Variants in WHRN observed in about 807,000 individuals in gnomAD.
The protein encoded by WHRN is CASK-interacting protein CIP98.
In WHRN, 41 loss-of-function variants were observed where a neutral mutation model predicts 68.3. That is an observed-to-expected ratio of 0.60 (90% confidence interval 0.47 to 0.78). WHRN has a LOEUF of 0.78. Among genes scored for constraint, WHRN ranks in the 30% least tolerant of loss-of-function variants. The probability of loss-of-function intolerance (pLI) is 0.00; values close to 1 mark genes in which losing one functional copy is unlikely to be tolerated. For missense variants in WHRN, 1,243 were observed against 1,244.7 expected (o/e 1.00, Z 0.02); for synonymous variants, 560 against 561.3 (o/e 1.00, Z 0.03).
intron 3 of WHRN, among the ~76,000 whole-genome samples, chr9:114,439,105 A>G (rs1350683929): frequency 6.6e-6 from 1 of 152,256 alleles, no homozygotes; most frequent in Admixed American, 6.5e-5. Context: ...ACAGAGGAAT[A>G]AACCAAAAAC....
Position 114,493,358 on chromosome 9 carries a change from A to T in WHRN, c.618+10826T>A, listed in dbSNP as rs1423783614. Among the ~76,000 whole-genome samples the T allele has an allele frequency of 7.6e-3, 347 of 45,908 alleles. 3 individuals carry two copies. Among genetic ancestry groups the T allele is most frequent in the South Asian group, 0.016 (19 of 1,204 alleles). 30.1% of individuals were successfully genotyped at this position (45,908 alleles called of 152,430 possible). A position where few individuals can be genotyped will look rare whatever the true frequency, so the allele number is the denominator to read the frequency against. The stretch of plus-strand genomic sequence containing the variant: ...AGAATAAGACCCTATCTTTTTTTTA[A>T]AAAAAAAAAAAAAGTGGGGGTGGGG... On this transcript the variant is annotated intron_variant, in intron 1 of 11. Transcript: ENST00000362057.
Position 114,478,705 on chromosome 9 carries a change from C to A in WHRN, c.685G>T (p.Val229Phe), listed in dbSNP as rs1199178665. ...ACCCAGGTGTAGATGTGGTTGGTGA[C>A]GTAGCCCCCAGGGATGCGCCCTGCT... ...YSAGRIPGGY[V>F]TNHIYTWVDP... The change falls in exon 2 of 12, where the codon GTC becomes TTC. Residue 229 changes from valine (V) to phenylalanine (F), a missense_variant. Val to Phe is a conservative substitution (Grantham distance 50). Transcript: ENST00000362057. The A allele has an allele frequency of 6.2e-7, 1 of 1,612,732 alleles. No individual in the cohort carries two copies. Among genetic ancestry groups the A allele is most frequent in the Non-Finnish European group, 8.5e-7 (1 of 1,179,980 alleles).
chr9:114,441,214 T>C (rs1838346115), intron 3 of WHRN, among the ~76,000 whole-genome samples: 1 of 151,830 alleles, frequency 6.6e-6, no homozygotes, highest in East Asian at 1.9e-4. Context: ...TATGTGTTAA[T>C]TGGCTATTGG....
intron 1 of WHRN, among the ~76,000 whole-genome samples, chr9:114,500,555 A>G (rs967356131): frequency 3.3e-5 from 5 of 152,200 alleles, no homozygotes; most frequent in African/African-American, 1.2e-4. Flanking sequence ...TTCAATTCTA[A>G]TATGCTCCTT....
intron 3 of WHRN, among the ~76,000 whole-genome samples, chr9:114,441,371 A>G (rs1348718258): frequency 2.0e-5 from 3 of 152,184 alleles, no homozygotes; most frequent in Non-Finnish European, 4.4e-5. Context: ...GCAGGCATGT[A>G]TATTTCCTAG....
chr9:114,426,242 G>C lies in WHRN; in HGVS notation c.1135C>G (p.Arg379Gly), dbSNP rs56059137. 2 of 1,612,430 alleles carry C rather than the reference G, an allele frequency of 1.2e-6. No homozygotes were observed. Among genetic ancestry groups the C allele is most frequent in the Non-Finnish European group, 1.7e-6 (2 of 1,180,028 alleles). The change falls in exon 4 of 12, where the codon CGG (arginine) becomes GGG (glycine). Residue 379 changes from arginine to glycine, a missense_variant. By Grantham distance (125) the Arg-to-Gly change is moderately radical. Coordinates refer to ENST00000362057, the MANE Select transcript of WHRN (RefSeq NM_015404.4). ...VDETKWIASS[R>G]IRETMANSAG... is the part of the protein sequence containing the mutation. ...GAGTTCGCCATGGTCTCCCTGATCC[G>C]GGAACTGGCGATCCACTTGGTCTCG...
intron 1 of WHRN, among the ~76,000 whole-genome samples, chr9:114,482,222 C>A (rs1430443480): frequency 5.9e-5 from 9 of 152,182 alleles, no homozygotes; most frequent in African/African-American, 1.9e-4. Context: ...ATCCGGCACA[C>A]AGTAGGTCCT....
chr9:114,412,615 C>T (rs1273759102), intron 7 of WHRN, among the ~76,000 whole-genome samples: 1 of 152,248 alleles, frequency 6.6e-6, no homozygotes, highest in Non-Finnish European at 1.5e-5. Flanking sequence ...CCAAGATGAC[C>T]TGCTGTCATT....
chr9:114,429,840 A>C (rs2132452305), intron 3 of WHRN, among the ~76,000 whole-genome samples: 1 of 152,240 alleles, frequency 6.6e-6, no homozygotes, highest in South Asian at 2.1e-4. Flanking sequence ...GGCCTTACTG[A>C]GAGTGGAGGA....
rs115926093 is a variant in WHRN at position 114,432,727 on chromosome 9, C to A, written c.964-6314G>T. Reference sequence around the variant, plus strand: ...AACAGGGTCTGGCACATAGTAGGTGCTCAATAAATATTTACTGAATGAACA... The same window carrying A: ...AACAGGGTCTGGCACATAGTAGGTGATCAATAAATATTTACTGAATGAACA... On this transcript the variant is annotated intron_variant, in intron 3 of 11. Transcript: ENST00000362057. Among the ~76,000 whole-genome samples, 555 of 152,330 alleles carry A rather than the reference C, an allele frequency of 3.6e-3. 1 individual carries two copies. Among genetic ancestry groups the A allele is most frequent in the African/African-American group, 0.013 (532 of 41,578 alleles).
chr9:114,412,118 C>T (rs562533918), intron 7 of WHRN, among the ~76,000 whole-genome samples: 4 of 152,168 alleles, frequency 2.6e-5, no homozygotes, highest in African/African-American at 7.2e-5. Flanking sequence ...AAATGGCAGA[C>T]GGGTCGGAGC....
chr9:114,453,627 T>A (rs1010578664), intron 3 of WHRN, among the ~76,000 whole-genome samples: 3 of 152,086 alleles, frequency 2.0e-5, no homozygotes, highest in African/African-American at 7.3e-5. Context: ...TCTCTGCCTT[T>A]AAATTCCACA....
At chr9:114,424,618 T>A in intron 5 of WHRN, 72 bp from the exon 6 acceptor site, 1 of 1,473,324 alleles carries the variant, frequency 6.8e-7, no homozygotes, top group East Asian at 2.5e-5. Context: ...CCACTCCCCC[T>A]CTGCCCTTCC....
At chr9:114,451,379 T>C (rs1394151899) in intron 3 of WHRN, among the ~76,000 whole-genome samples, 1 of 152,056 alleles carries the variant, frequency 6.6e-6, no homozygotes, top group East Asian at 1.9e-4. Flanking sequence ...ATCAGTGAAA[T>C]AGGCATGATG....
chr9:114,451,911 T>C (rs1839372590), intron 3 of WHRN, among the ~76,000 whole-genome samples: 1 of 152,214 alleles, frequency 6.6e-6, no homozygotes, highest in Non-Finnish European at 1.5e-5. Flanking sequence ...ATAGGGATAA[T>C]ACCAGAGCCT....
chr9:114,485,109 G>A (rs1422568693), intron 1 of WHRN, among the ~76,000 whole-genome samples: 4 of 152,224 alleles, frequency 2.6e-5, no homozygotes, highest in African/African-American at 7.2e-5. Context: ...GCAAGGACAC[G>A]TAATGATGAG....
intron 3 of WHRN, among the ~76,000 whole-genome samples, chr9:114,427,417 CA>C (rs906424319): frequency 1.7e-4 from 26 of 152,190 alleles, no homozygotes; most frequent in African/African-American, 5.6e-4. Context: ...GTTCCTTTCA[CA>C]AATGGGTCAA....
chr9:114,480,649 C>T (rs1009081905), intron 1 of WHRN, among the ~76,000 whole-genome samples: 1 of 152,142 alleles, frequency 6.6e-6, no homozygotes, highest in African/African-American at 2.4e-5. Context: ...GCCACCCAGT[C>T]TATGGTATTT....
chr9:114,425,586 GACACACACACAC>G (rs148103230), intron 4 of WHRN: 81 of 154,200 alleles, frequency 5.3e-4, no homozygotes, highest in East Asian at 2.4e-3. Context: ...GGAAGGGGGA[GACACACACACAC>G]ACACACACAC....
Sources: gnomAD v4.1 joint callset for allele counts (sites outside exome capture counted in the v4.1 genomes callset) on GRCh38, gnomAD v4.1.1 for gene constraint, MANE v1.5 for transcripts, NCBI Gene and HGNC (gene_info 2026-07-23, HGNC 2026-07-21) for gene names.